The following ANKRD30BL variants were observed in gnomAD, a reference collection of about 807,000 sequenced individuals.
The protein encoded by ANKRD30BL is putative ankyrin repeat domain-containing protein 30B-like.
In ANKRD30BL, 20 loss-of-function variants were observed where a neutral mutation model predicts 18.4. The observed-to-expected ratio is 1.09, with a 90% CI of 0.77 to 1.58. The LOEUF (loss-of-function observed/expected upper bound fraction) is 1.58. ANKRD30BL is among the 40% of genes most tolerant of loss of function. The pLI is 0.00. For synonymous variants in ANKRD30BL, 72 were observed against 100.9 expected (o/e 0.71, Z 1.72); for missense variants, 224 against 268.6 (o/e 0.83, Z 1.16).
intron 1 of ANKRD30BL, among the ~76,000 whole-genome samples, chr2:132,228,551 A>T (rs1455939147): frequency 6.6e-6 from 1 of 151,612 alleles, no homozygotes; most frequent in African/African-American, 2.4e-5. Flanking sequence ...TAAAATCTGC[A>T]AGTGGACATT....
intron 1 of ANKRD30BL, among the ~76,000 whole-genome samples, chr2:132,207,137 A>G (rs1679226919): frequency 6.6e-6 from 1 of 152,068 alleles, no homozygotes; most frequent in African/African-American, 2.4e-5. Flanking sequence ...GAACTCTAAT[A>G]TATATATTTT....
At chr2:132,231,671 C>G (rs187755691) in intron 1 of ANKRD30BL, among the ~76,000 whole-genome samples, 1 of 152,314 alleles carries the variant, frequency 6.6e-6, no homozygotes, top group Non-Finnish European at 1.5e-5. Flanking sequence ...TATCCCGCAC[C>G]TGGCTCGGAG....
intron 1 of ANKRD30BL, among the ~76,000 whole-genome samples, chr2:132,194,318 G>A (rs191651169): frequency 1.3e-4 from 20 of 152,282 alleles, no homozygotes; most frequent in Admixed American, 1.3e-3. Context: ...GTTAGGAGGT[G>A]GGGGTAATGG....
chr2:132,175,676 T>C (rs1055397599), intron 1 of ANKRD30BL, among the ~76,000 whole-genome samples: 5 of 152,242 alleles, frequency 3.3e-5, no homozygotes, highest in Non-Finnish European at 4.4e-5. Context: ...TGGAGAATCC[T>C]TGGACAATAC....
chr2:132,252,218 G>A (rs552994042), intron 1 of ANKRD30BL, among the ~76,000 whole-genome samples: 106 of 152,340 alleles, frequency 7.0e-4, no homozygotes, highest in African/African-American at 2.4e-3. Flanking sequence ...CTACTGGGAG[G>A]CCACCCCTAC....
intron 5 of ANKRD30BL, among the ~76,000 whole-genome samples, chr2:132,149,752 C>T (rs1311768787): frequency 6.6e-6 from 1 of 150,594 alleles, no homozygotes. Flanking sequence ...CTGCAAGATA[C>T]TAAGACAAAT....
chr2:132,190,411 A>G (rs1678823245), intron 1 of ANKRD30BL, among the ~76,000 whole-genome samples: 1 of 151,364 alleles, frequency 6.6e-6, no homozygotes, highest in African/African-American at 2.4e-5. Flanking sequence ...AAACATAAAA[A>G]ACAGGTTTAC....
chr2:132,249,222 G>A (rs1191298835), intron 1 of ANKRD30BL, among the ~76,000 whole-genome samples: 1 of 151,938 alleles, frequency 6.6e-6, no homozygotes, highest in Non-Finnish European at 1.5e-5. Flanking sequence ...TCAAAGGAAT[G>A]GCTCAACTCT....
intron 1 of ANKRD30BL, among the ~76,000 whole-genome samples, chr2:132,216,612 T>A: frequency 6.6e-6 from 1 of 151,924 alleles, no homozygotes; most frequent in Non-Finnish European, 1.5e-5. Flanking sequence ...TTCTTTTGAT[T>A]GAGCACCTTT....
intron 1 of ANKRD30BL, among the ~76,000 whole-genome samples, chr2:132,188,833 A>T (rs976969490): frequency 6.6e-6 from 1 of 152,236 alleles, no homozygotes; most frequent in Non-Finnish European, 1.5e-5. Flanking sequence ...GGCATTATAC[A>T]TAAAAGAAAA....
chr2:132,256,428 C>A (rs1344180928), intron 1 of ANKRD30BL, among the ~76,000 whole-genome samples: 1 of 152,194 alleles, frequency 6.6e-6, no homozygotes, highest in Admixed American at 6.5e-5. Context: ...GCCGACCGCC[C>A]GACCCGTGTG....
At chr2:132,242,715 C>A (rs1433382615) in intron 1 of ANKRD30BL, among the ~76,000 whole-genome samples, 4 of 150,906 alleles carry the variant, frequency 2.7e-5, no homozygotes, top group Admixed American at 6.6e-5. Flanking sequence ...AATAGCTTCA[C>A]ATAAAAGCTA....
chr2:132,231,023 T>C (rs1346450611), intron 1 of ANKRD30BL, among the ~76,000 whole-genome samples: 1 of 152,148 alleles, frequency 6.6e-6, no homozygotes, highest in African/African-American at 2.4e-5. Context: ...TCTCAGAAAC[T>C]TTTTTGTGCT....
intron 1 of ANKRD30BL, among the ~76,000 whole-genome samples, chr2:132,254,952 G>A (rs1378899463): frequency 1.3e-5 from 2 of 152,182 alleles, no homozygotes; most frequent in Non-Finnish European, 2.9e-5. Flanking sequence ...GTTTTCCCAT[G>A]TTGAGTCAAA....
chr2:132,248,900 T>C (rs1680574838), intron 1 of ANKRD30BL, among the ~76,000 whole-genome samples: 1 of 152,062 alleles, frequency 6.6e-6, no homozygotes, highest in Non-Finnish European at 1.5e-5. Context: ...GTGAGATGAA[T>C]GCACACATAG....
At chr2:132,207,260 A>G (rs1350112568) in intron 1 of ANKRD30BL, among the ~76,000 whole-genome samples, 1 of 152,208 alleles carries the variant, frequency 6.6e-6, no homozygotes, top group Admixed American at 6.6e-5. Context: ...TCCAAATGGC[A>G]GACAGCTTAA....
At chr2:132,220,961 G>T (rs1012712435) in intron 1 of ANKRD30BL, among the ~76,000 whole-genome samples, 2 of 150,750 alleles carry the variant, frequency 1.3e-5, no homozygotes, top group African/African-American at 2.4e-5. Flanking sequence ...AGTGAGGAGC[G>T]TCTCTGCCCG....
At chr2:132,154,924 C>T in intron 3 of ANKRD30BL, 156 bp from the exon 4 acceptor site, 1 of 471,102 alleles carries the variant, frequency 2.1e-6, no homozygotes, top group Non-Finnish European at 3.9e-6. Flanking sequence ...ATGCACTGCA[C>T]CTTCTCTTGT....
intron 1 of ANKRD30BL, among the ~76,000 whole-genome samples, chr2:132,179,362 C>G (rs1688420191): frequency 6.6e-6 from 1 of 150,536 alleles, no homozygotes; most frequent in Non-Finnish European, 1.5e-5. Context: ...GATATCGGCT[C>G]ACTGCAACCT....
Sources: allele counts gnomAD v4.1 joint callset (sites outside exome capture counted in the v4.1 genomes callset), GRCh38; gene constraint gnomAD v4.1.1; transcripts MANE v1.5; gene names NCBI Gene and HGNC (gene_info 2026-07-23, HGNC 2026-07-21).